RANBP3: variants seen among roughly 807,000 people sequenced by gnomAD.
The protein encoded by RANBP3 is RAN binding protein 3, also known as ran-binding protein 3.
RANBP3 carries 14 observed loss-of-function variants against 77.3 expected under a neutral mutation model. The ratio of observed to expected loss-of-function variants is 0.18; its 90% CI spans 0.12 to 0.28. The LOEUF is 0.28. RANBP3 is among the 10% of genes least tolerant of loss of function. RANBP3 has a pLI of 1.00. For missense variants in RANBP3, 586 were observed against 752.3 expected, an observed-to-expected ratio of 0.78 and a Z score of 2.59; for synonymous variants, 315 against 312.4, an observed-to-expected ratio of 1.01 and a Z score of -0.09.
chr19:5,958,328 T>C lies in RANBP3; in HGVS notation c.23-355A>G, dbSNP rs2058359855. The stretch of plus-strand genomic sequence containing the variant: ...TGTGACCTTGCAGGAATGTGGCACC[T>C]CCTGAATTGCAAATGTTAGAGACTA... On this transcript the variant is annotated intron_variant, in intron 1 of 16. Coordinates refer to ENST00000340578, the MANE Select transcript of RANBP3 (RefSeq NM_007322.3). The surrounding 1 kb of genome is among the most constrained non-coding windows in gnomAD (Gnocchi z 4.4). Among the ~76,000 whole-genome samples, 1 of 152,198 alleles carries C rather than the reference T, an allele frequency of 6.6e-6. No homozygotes were observed. Among genetic ancestry groups the C allele is most frequent in the African/African-American group, 2.4e-5 (1 of 41,440 alleles).
intron 2 of RANBP3, among the ~76,000 whole-genome samples, chr19:5,955,280 GC>G (rs2058322690): frequency 6.6e-6 from 1 of 152,140 alleles, no homozygotes; most frequent in Admixed American, 6.5e-5. Context: ...ACAGGCATCT[GC>G]CACCACAGTA....
In RANBP3 at chr19:5,963,515, C is replaced by T. The variant is rs576237138; in HGVS notation, c.23-5542G>A. 1.6e-3 allele frequency among the ~76,000 whole-genome samples: 244 copies of T among 152,328 alleles called. 1 individual carries two copies. The highest frequency in any genetic ancestry group is 5.6e-3 in the African/African-American group (232 of 41,572). On this transcript the variant is annotated intron_variant, in intron 1 of 16. Transcript: ENST00000340578. ...GCAGTGAGCCATGATCGTGCCACTG[C>T]ACTCCAGGCTGGGTGACAGAGTGAG...
intron 1 of RANBP3, among the ~76,000 whole-genome samples, chr19:5,974,739 C>A (rs182208395): frequency 6.6e-6 from 1 of 152,284 alleles, no homozygotes; most frequent in Admixed American, 6.5e-5. Flanking sequence ...CCTGCCTGCA[C>A]ATGAGAATCA....
Position 5,957,993 on chromosome 19 carries a change from T to C in RANBP3, c.23-20A>G, listed in dbSNP as rs776408481. 1 of 1,613,374 alleles carries C rather than the reference T, an allele frequency of 6.2e-7. No homozygotes were observed. Among genetic ancestry groups the C allele is most frequent in the East Asian group, 2.2e-5 (1 of 44,864 alleles). ...GCTTTTCTGCAAAAAGAAAAATTAG[T>C]TTTTTTCCCCCCAACACTATATGCA... On this transcript the variant is annotated intron_variant, in intron 1 of 16. Transcript: ENST00000340578.
intron 2 of RANBP3, among the ~76,000 whole-genome samples, chr19:5,953,279 A>T (rs540619357): frequency 3.0e-4 from 46 of 152,198 alleles, no homozygotes; most frequent in Non-Finnish European, 6.2e-4. Context: ...AGGAATCGTA[A>T]GCTCTAAAGA....
Position 5,917,978 on chromosome 19 carries a change from G to A in RANBP3, c.1476C>T (p.Ala492=). 1 of 1,586,630 alleles carries A rather than the reference G, an allele frequency of 6.3e-7. No individual in the cohort carries two copies. The highest frequency in any genetic ancestry group is 8.6e-7 in the Non-Finnish European group (1 of 1,162,630). ...DQGVKVFLIS[A]SSKDTGQLYA... is the part of the protein sequence containing the mutation. ...ACAACTGACCTGTGTCCTTGGAGCTGGCCTGGGAAGGGAGGAGGGTATGAG... is the reference window on the plus strand; with the variant it reads ...ACAACTGACCTGTGTCCTTGGAGCTAGCCTGGGAAGGGAGGAGGGTATGAG... Residue 492 remains alanine, a splice_region_variant and synonymous_variant, in exon 16 of 17, where the codon GCC becomes GCT. Transcript: ENST00000340578.
chr19:5,941,567 G>GC, intron 5 of RANBP3, 54 bp downstream of exon 5: 1 of 1,460,924 alleles, frequency 6.8e-7, no homozygotes, highest in Non-Finnish European at 9.5e-7. Flanking sequence ...TGAGGGGAAT[G>GC]GCGGGTTTGT....
intron 2 of RANBP3, among the ~76,000 whole-genome samples, chr19:5,951,843 G>A (rs1444876991): frequency 6.6e-6 from 1 of 152,204 alleles, no homozygotes; most frequent in Non-Finnish European, 1.5e-5. Context: ...TACAGTGTAT[G>A]AGAAGCAGGA....
intron 15 of RANBP3, 156 bp downstream of exon 15, chr19:5,918,340 G>C: frequency 1.2e-6 from 1 of 809,694 alleles, no homozygotes; most frequent in Non-Finnish European, 1.9e-6. Flanking sequence ...CTGAAGGCTG[G>C]GACTGGCGGG....
At chr19:5,937,056 CAA>C (rs71172783) in intron 5 of RANBP3, among the ~76,000 whole-genome samples, 1,015 of 36,984 alleles carry the variant, frequency 0.027, 4 homozygotes, top group Middle Eastern at 0.15. Flanking sequence ...ACTCTGTCTC[CAA>C]AAAAAAAAAA....
intron 5 of RANBP3, among the ~76,000 whole-genome samples, chr19:5,937,066 A>AAAAAAAAAAAAAAAAAAAAAAAAAG (rs2058075496): frequency 7.3e-6 from 1 of 137,602 alleles, no homozygotes; most frequent in Non-Finnish European, 1.6e-5. Flanking sequence ...CAAAAAAAAA[A>AAAAAAAAAAAAAAAAAAAAAAAAAG]AAAAAAAAAA....
intron 9 of RANBP3, among the ~76,000 whole-genome samples, chr19:5,926,849 C>T (rs1470018437): frequency 1.3e-5 from 2 of 152,160 alleles, no homozygotes; most frequent in East Asian, 1.9e-4. Context: ...TCGACTTGGG[C>T]TTCTGTTGGA....
chr19:5,947,975 A>C (rs1459099617), intron 3 of RANBP3, among the ~76,000 whole-genome samples: 1 of 152,188 alleles, frequency 6.6e-6, no homozygotes, highest in Non-Finnish European at 1.5e-5. Context: ...CCTGTCCAAA[A>C]AACATGGGTC....
intron 6 of RANBP3, 162 bp from the exon 7 acceptor site, chr19:5,932,706 G>C: frequency 1.7e-6 from 1 of 596,212 alleles, no homozygotes; most frequent in Non-Finnish European, 3.0e-6. Context: ...CAGCTGGCCA[G>C]GAGATCTGGC....
chr19:5,977,507 G>T (rs1380897203), intron 1 of RANBP3, among the ~76,000 whole-genome samples: 2 of 152,148 alleles, frequency 1.3e-5, no homozygotes, highest in Non-Finnish European at 2.9e-5. Flanking sequence ...GAACTGGCGG[G>T]AAGTGGGGGC....
chr19:5,921,341 G>A lies in RANBP3; in HGVS notation c.1210-20C>T, dbSNP rs274795. 0.075 allele frequency: 121,100 copies of A among 1,611,830 alleles called. 5,027 individuals are homozygous for A. The highest frequency in any genetic ancestry group is 0.094 in the Middle Eastern group (566 of 6,052). Reference sequence around the variant, plus strand: ...CTGCATCTGGAACACAGTGGCCGCCGGTAAGCAGGGACCCCAGCTGGTGTC... The same window carrying A: ...CTGCATCTGGAACACAGTGGCCGCCAGTAAGCAGGGACCCCAGCTGGTGTC... On this transcript the variant is annotated intron_variant, in intron 13 of 16. Transcript: ENST00000340578. This position sits in a 1 kb window ranked among gnomAD's most constrained non-coding sequence, Gnocchi z 5.3.
intron 3 of RANBP3, chr19:5,950,780 TCTC>T (rs2058264873): frequency 6.5e-6 from 1 of 153,308 alleles, no homozygotes; most frequent in Non-Finnish European, 1.5e-5. Context: ...TTCACAATCT[TCTC>T]CACCTATAAT....
chr19:5,948,256 C>T (rs2058232245), intron 3 of RANBP3, among the ~76,000 whole-genome samples: 1 of 152,158 alleles, frequency 6.6e-6, no homozygotes, highest in Non-Finnish European at 1.5e-5. Flanking sequence ...TGAGACCATC[C>T]TGGCTAACAC....
chr19:5,931,640 T>TA (rs2057993366), intron 7 of RANBP3, 109 bp from the exon 8 acceptor site: 1 of 1,207,616 alleles, frequency 8.3e-7, no homozygotes, highest in Admixed American at 2.6e-5. Context: ...CCTCCCATGG[T>TA]AAAGCCCACA....
Sources: gnomAD v4.1 joint callset for allele counts (sites outside exome capture counted in the v4.1 genomes callset) on GRCh38, gnomAD v4.1.1 for gene constraint, Gnocchi (gnomAD v3.1) non-coding constraint, MANE v1.5 for transcripts, NCBI Gene and HGNC (gene_info 2026-07-23, HGNC 2026-07-21) for gene names.